Variants in MON1A observed in about 807,000 individuals in gnomAD.
MON1A encodes MON1 vesicular trafficking associated A, also known as vacuolar fusion protein MON1 homolog A.
Under a neutral mutation model 44.6 loss-of-function variants are expected in MON1A, and 29 were observed. The ratio of observed to expected loss-of-function variants is 0.65; its 90% CI spans 0.48 to 0.89. MON1A has a LOEUF of 0.89. MON1A is among the 40% of genes least tolerant of loss of function. The probability of loss-of-function intolerance (pLI) is 0.00; values close to 1 mark genes in which losing one functional copy is unlikely to be tolerated. For synonymous variants in MON1A, 275 were observed against 316.4 expected (o/e 0.87, Z 1.39); for missense variants, 615 against 759.6 (o/e 0.81, Z 2.24).
intron 1 of MON1A, among the ~76,000 whole-genome samples, chr3:49,922,554 AGAAGGAGGGAAG>A (rs1375512416): frequency 1.2e-4 from 17 of 138,350 alleles, no homozygotes; most frequent in East Asian, 6.5e-4. Flanking sequence ...AGGGAGGGAA[AGAAGGAGGGAAG>A]GAAGGAGGGA....
chr3:49,914,371 C>T (rs1416265567), intron 1 of MON1A, among the ~76,000 whole-genome samples: 1 of 151,570 alleles, frequency 6.6e-6, no homozygotes, highest in East Asian at 2.0e-4. Context: ...GTGTGAGCCA[C>T]CGTGCCCCAC....
intron 1 of MON1A, among the ~76,000 whole-genome samples, chr3:49,923,213 T>G (rs1329529548): frequency 4.0e-5 from 6 of 151,020 alleles, no homozygotes; most frequent in Admixed American, 4.0e-4. Context: ...TGGTGGCGCA[T>G]GCCTGTAATT....
intron 1 of MON1A, among the ~76,000 whole-genome samples, chr3:49,923,612 T>C (rs2083024133): frequency 1.3e-5 from 2 of 149,444 alleles, no homozygotes; most frequent in Admixed American, 6.7e-5. Context: ...TGCCACCACA[T>C]TGGCTAATTT....
chr3:49,908,959 C>T lies in MON1A; in HGVS notation c.*55G>A. 1 of 1,555,176 alleles carries T rather than the reference C, an allele frequency of 6.4e-7. No homozygotes were observed. The highest frequency in any genetic ancestry group is 1.8e-4 in the Middle Eastern group (1 of 5,522). On this transcript the variant is annotated 3_prime_UTR_variant, in exon 6 of 6. Transcript: ENST00000296473. ...GAGGCCAGCCCCCATCTGGAGGCTCCTATGGCTTCCCACACCTAGTGTGTC... is the reference window on the plus strand; with the variant it reads ...GAGGCCAGCCCCCATCTGGAGGCTCTTATGGCTTCCCACACCTAGTGTGTC...
chr3:49,914,785 A>C (rs2082929110), intron 1 of MON1A, among the ~76,000 whole-genome samples: 1 of 151,768 alleles, frequency 6.6e-6, no homozygotes. Context: ...TGACCTTGTG[A>C]TCCGCCTGCC....
chr3:49,911,671 C>T lies in MON1A; in HGVS notation c.468G>A (p.Lys156=). The change falls in exon 3 of 6, where the codon AAG becomes AAA. Residue 156 remains lysine, a synonymous_variant. Transcript: ENST00000296473. The surrounding 1 kb of genome is among the most constrained non-coding windows in gnomAD (Gnocchi z 5.7). ...DATEAWRLHQ[K]HVFVLSEAGK... ...CTGCCTCACTCAGCACAAAGACATG[C>T]TTCTGGTGCAGGCGCCATGCCTCCG... 1 of 1,614,194 alleles carries T rather than the reference C, an allele frequency of 6.2e-7. No homozygotes were observed. Among genetic ancestry groups the T allele is most frequent in the African/African-American group, 1.3e-5 (1 of 75,066 alleles).
chr3:49,917,430 C>G (rs374258974), intron 1 of MON1A, among the ~76,000 whole-genome samples: 8 of 152,212 alleles, frequency 5.3e-5, no homozygotes, highest in African/African-American at 1.9e-4. Flanking sequence ...GGACTATAGG[C>G]GCCCGCCACC....
chr3:49,929,115 G>A (rs1030568670), intron 1 of MON1A, among the ~76,000 whole-genome samples: 10 of 152,168 alleles, frequency 6.6e-5, no homozygotes, highest in Admixed American at 5.9e-4. Context: ...CCAGCTACTC[G>A]GGAGGCTGAG....
chr3:49,909,954 A>C lies in MON1A; in HGVS notation c.1379+165T>G. Reference sequence around the variant, plus strand: ...AGAGGGTATGCTCATGGGGTGATGGAGAGTCTGGGTCTCTGGTGCCAGAGT... The same window carrying C: ...AGAGGGTATGCTCATGGGGTGATGGCGAGTCTGGGTCTCTGGTGCCAGAGT... On this transcript the variant is annotated intron_variant, in intron 4 of 5. Transcript: ENST00000296473. The surrounding 1 kb of genome is among the most constrained non-coding windows in gnomAD (Gnocchi z 4.0). 3 of 738,606 alleles carry C rather than the reference A, an allele frequency of 4.1e-6. No individual in the cohort carries two copies. Among genetic ancestry groups the C allele is most frequent in the Non-Finnish European group, 6.8e-6 (3 of 439,396 alleles). The allele number at this position is 738,606 out of a possible 1,614,324, so 45.8% of individuals were successfully genotyped here.
rs766261111 is a variant in MON1A, at chr3:49,910,691, C to T, written c.807G>A (p.Ser269=). Residue 269 remains serine (S), a synonymous_variant, in exon 4 of 6, where the codon TCG becomes TCA. Transcript: ENST00000296473. This position sits in a 1 kb window ranked among gnomAD's most constrained non-coding sequence, Gnocchi z 8.0. ...GGTTGTCGGTGATGCGCTCTGAGCC[C>T]GAGAGTAGGCGCCGCAAATCATAGT... The part of the protein sequence containing the change: ...KQNYDLRRLL[S]GSERITDNLL... The T allele has an allele frequency of 1.2e-6, 2 of 1,612,160 alleles. No individual in the cohort carries two copies. The highest frequency in any genetic ancestry group is 2.2e-5 in the East Asian group (1 of 44,812).
rs1377743369 is a variant in MON1A, at chr3:49,910,522, G to C, written c.976C>G (p.Arg326Gly). 5 of 1,613,628 alleles carry C rather than the reference G, an allele frequency of 3.1e-6. No individual in the cohort carries two copies. Among genetic ancestry groups the C allele is most frequent in the African/African-American group, 2.7e-5 (2 of 74,918 alleles). ...RSLVFSILLA[R>G]NQLVALVRRK... The stretch of plus-strand genomic sequence containing the variant: ...CGCACGAGTGCCACGAGCTGGTTGC[G>C]GGCCAGCAGGATGGAGAAGACCAGG... Residue 326 changes from arginine to glycine, a missense_variant, in exon 4 of 6, where the codon CGC becomes GGC. Transcript: ENST00000296473. This position sits in a 1 kb window ranked among gnomAD's most constrained non-coding sequence, Gnocchi z 8.0.
intron 1 of MON1A, among the ~76,000 whole-genome samples, chr3:49,926,116 C>T (rs1469642306): frequency 6.6e-6 from 1 of 152,190 alleles, no homozygotes; most frequent in South Asian, 2.1e-4. Flanking sequence ...ATAACTCCTT[C>T]CCCATTACTT....
chr3:49,929,783 C>T lies in MON1A; in HGVS notation c.-188G>A. Reference sequence around the variant, plus strand: ...GCGCAGGCACCGCTCCCTCCCACCGCCCTCACCCGGCCGCCGGTGCAGGAA... The same window carrying T: ...GCGCAGGCACCGCTCCCTCCCACCGTCCTCACCCGGCCGCCGGTGCAGGAA... On this transcript the variant is annotated 5_prime_UTR_variant, in exon 1 of 6. Coordinates refer to ENST00000296473, the MANE Select transcript of MON1A (RefSeq NM_032355.4). 1 of 1,548,696 alleles carries T rather than the reference C, an allele frequency of 6.5e-7. No individual in the cohort carries two copies. The highest frequency in any genetic ancestry group is 1.7e-4 in the Middle Eastern group (1 of 5,782).
Position 49,911,396 on chromosome 3 carries a change from CAG to C in MON1A, c.613+128_613+129del. On this transcript the variant is annotated intron_variant, in intron 3 of 5. Coordinates refer to ENST00000296473, the MANE Select transcript of MON1A (RefSeq NM_032355.4). This position sits in a 1 kb window ranked among gnomAD's most constrained non-coding sequence, Gnocchi z 5.7. ...CTGTTCAGGTGAGGACCTTGAAGCT[CAG>C]AGAGGTAGAGGGACTTACCCTCAGT... 1 of 1,361,866 alleles carries C rather than the reference CAG, an allele frequency of 7.3e-7. No individual in the cohort carries two copies. Among genetic ancestry groups the C allele is most frequent in the Non-Finnish European group, 9.9e-7 (1 of 1,011,388 alleles). The allele number at this position is 1,361,866 out of a possible 1,614,324, so 84.4% of individuals were successfully genotyped here.
At chr3:49,913,508 A>C (rs937668475) in intron 1 of MON1A, 149 bp from the exon 2 acceptor site, 1 of 706,000 alleles carries the variant, frequency 1.4e-6, no homozygotes, top group African/African-American at 1.8e-5. Context: ...CTTTCAAAAA[A>C]ATATATACTG....
chr3:49,923,396 GGAAAGGAAGGAAAGGAA>G (rs1667642888), intron 1 of MON1A, among the ~76,000 whole-genome samples: 1 of 150,050 alleles, frequency 6.7e-6, no homozygotes, highest in Non-Finnish European at 1.5e-5. Context: ...GGGGAAGGAG[GGAAAGGAAGGAAAGGAA>G]GAAAGGAAGG....
intron 1 of MON1A, among the ~76,000 whole-genome samples, chr3:49,920,402 C>T (rs1241974811): frequency 6.6e-6 from 1 of 152,130 alleles, no homozygotes; most frequent in Non-Finnish European, 1.5e-5. Context: ...CATTTGGTCT[C>T]ATAGTTTTAA....
chr3:49,913,107 G>T, intron 2 of MON1A, 113 bp downstream of exon 2: 1 of 1,413,844 alleles, frequency 7.1e-7, no homozygotes, highest in Non-Finnish European at 1.0e-6. Context: ...AATATCCAAT[G>T]AGTGACTGAC....
In MON1A at chr3:49,929,603, A is replaced by G; in HGVS notation, c.-14+6T>C. 2 of 1,551,426 alleles carry G rather than the reference A, an allele frequency of 1.3e-6. No individual in the cohort carries two copies. ...TCCAGGCCACGTGGGCTGGCAGTCA[A>G]CTCACCTGTTTCTCAGAGGAGTCCA... is the stretch of plus-strand genomic sequence containing the variant. On this transcript the variant is annotated splice_donor_region_variant and intron_variant, in intron 1 of 5. Transcript: ENST00000296473.
Sources: gnomAD v4.1 joint callset for allele counts (sites outside exome capture counted in the v4.1 genomes callset) on GRCh38, gnomAD v4.1.1 for gene constraint, Gnocchi (gnomAD v3.1) non-coding constraint, MANE v1.5 for transcripts, NCBI Gene and HGNC (gene_info 2026-07-23, HGNC 2026-07-21) for gene names.